DOK5: variants seen among roughly 807,000 people sequenced by gnomAD.
DOK5 encodes the protein docking protein 5.
Under a neutral mutation model 43.3 loss-of-function variants are expected in DOK5, and 27 were observed. That is an observed-to-expected ratio of 0.62 (90% CI 0.46 to 0.86). The LOEUF is 0.86. Among genes scored for constraint, DOK5 ranks in the 40% least tolerant of loss-of-function variants. The pLI is 0.00. For missense variants in DOK5, 373 were observed against 392.9 expected (o/e 0.95, Z 0.43); for synonymous variants, 146 against 140.1 (o/e 1.04, Z -0.30).
At chr20:54,491,756 A>T (rs148181910) in intron 1 of DOK5, among the ~76,000 whole-genome samples, 1 of 152,284 alleles carries the variant, frequency 6.6e-6, no homozygotes, top group Non-Finnish European at 1.5e-5. Context: ...GCATCCCACC[A>T]TTGGCTTCCT....
At chr20:54,615,453 G>C (rs1421423853) in intron 6 of DOK5, among the ~76,000 whole-genome samples, 1 of 152,120 alleles carries the variant, frequency 6.6e-6, no homozygotes, top group Non-Finnish European at 1.5e-5. Context: ...CTTCAGAAGA[G>C]GGAAACAAGA....
At chr20:54,623,520 G>A (rs1335617573) in intron 6 of DOK5, among the ~76,000 whole-genome samples, 1 of 152,170 alleles carries the variant, frequency 6.6e-6, no homozygotes, top group Non-Finnish European at 1.5e-5. Context: ...AAGGCAACGA[G>A]ACGAGGCATA....
chr20:54,588,708 G>T lies in DOK5; in HGVS notation c.311G>T (p.Cys104Phe). 6.2e-7 allele frequency: 1 copy of T among 1,614,088 alleles called. No homozygotes were observed. Among genetic ancestry groups the T allele is most frequent in the East Asian group, 2.2e-5 (1 of 44,886 alleles). The change falls in exon 4 of 8, where the codon TGC becomes TTC. Residue 104 changes from cysteine (C) to phenylalanine (F), a missense_variant. By Grantham distance (205) the Cys-to-Phe change is radical (BLOSUM62 -2). Coordinates refer to ENST00000262593, the MANE Select transcript of DOK5 (RefSeq NM_018431.5). ...CESDLEADEW[C>F]KVLQMECVGT... Reference sequence around the variant, plus strand: ...ACAGATCTTGAGGCTGATGAGTGGTGCAAAGTACTCCAGATGGAGTGTGTA... The same window carrying T: ...ACAGATCTTGAGGCTGATGAGTGGTTCAAAGTACTCCAGATGGAGTGTGTA...
chr20:54,573,835 A>G (rs945284826), intron 2 of DOK5, among the ~76,000 whole-genome samples: 5 of 152,132 alleles, frequency 3.3e-5, no homozygotes, highest in Admixed American at 2.6e-4. Flanking sequence ...AGTTCCAAAG[A>G]GCTGCCCACT....
chr20:54,480,995 T>TATCTATC (rs1319946307), intron 1 of DOK5, among the ~76,000 whole-genome samples: 2 of 139,730 alleles, frequency 1.4e-5, no homozygotes, highest in Admixed American at 1.4e-4. Flanking sequence ...ATCTATCATC[T>TATCTATC]ATCTATCATC....
At chr20:54,618,565 G>A (rs1245891950) in intron 6 of DOK5, among the ~76,000 whole-genome samples, 4 of 152,032 alleles carry the variant, frequency 2.6e-5, no homozygotes, top group Non-Finnish European at 5.9e-5. Context: ...GACTGGCCTT[G>A]AACTCCTGAC....
chr20:54,536,146 G>A (rs1425337349), intron 1 of DOK5, among the ~76,000 whole-genome samples: 1 of 152,204 alleles, frequency 6.6e-6, no homozygotes. Flanking sequence ...TAAAAATGCA[G>A]ACAAATCAGT....
chr20:54,646,670 T>A (rs1979445546), intron 7 of DOK5, among the ~76,000 whole-genome samples: 2 of 152,118 alleles, frequency 1.3e-5, no homozygotes, highest in African/African-American at 4.8e-5. Context: ...CAAGTACATT[T>A]AAAAAAAAAG....
intron 1 of DOK5, among the ~76,000 whole-genome samples, chr20:54,524,237 A>T (rs1041571406): frequency 2.6e-5 from 4 of 152,114 alleles, no homozygotes; most frequent in African/African-American, 9.7e-5. Context: ...CGAAAGAAGG[A>T]TGAAGTGAGG....
chr20:54,635,933 ATTTAC>A (rs1978804222), intron 6 of DOK5, among the ~76,000 whole-genome samples: 2 of 152,202 alleles, frequency 1.3e-5, no homozygotes, highest in South Asian at 4.1e-4. Flanking sequence ...ATGAACAGAA[ATTTAC>A]TTCTTATAGT....
chr20:54,636,284 C>T (rs1978821471), intron 6 of DOK5, among the ~76,000 whole-genome samples: 1 of 152,130 alleles, frequency 6.6e-6, no homozygotes, highest in Admixed American at 6.5e-5. Flanking sequence ...CTAAACTGCC[C>T]TTGTAAAATT....
intron 2 of DOK5, among the ~76,000 whole-genome samples, chr20:54,584,566 A>G (rs562146550): frequency 1.3e-5 from 2 of 151,448 alleles, no homozygotes; most frequent in South Asian, 4.2e-4. Flanking sequence ...TATCAAAATT[A>G]AAAGCTGTTT....
chr20:54,644,718 A>AAAAAAAAAAAAAAAAAAAAAAAC (rs1555839806), intron 7 of DOK5, among the ~76,000 whole-genome samples: 4 of 142,494 alleles, frequency 2.8e-5, no homozygotes, highest in African/African-American at 1.2e-4. Context: ...AAAAAAAAAA[A>AAAAAAAAAAAAAAAAAAAAAAAC]AAAAAACAAA....
intron 2 of DOK5, among the ~76,000 whole-genome samples, chr20:54,572,745 C>T (rs1420839570): frequency 6.6e-6 from 1 of 152,030 alleles, no homozygotes; most frequent in Non-Finnish European, 1.5e-5. Flanking sequence ...TAGATCTTTC[C>T]CTTTGTATGC....
chr20:54,514,840 A>G (rs1236018779), intron 1 of DOK5, among the ~76,000 whole-genome samples: 2 of 151,610 alleles, frequency 1.3e-5, no homozygotes, highest in Non-Finnish European at 2.9e-5. Context: ...GAATTACCAA[A>G]ATGCTCACCT....
chr20:54,503,901 A>G (rs1982705891), intron 1 of DOK5, among the ~76,000 whole-genome samples: 1 of 152,200 alleles, frequency 6.6e-6, no homozygotes. Context: ...AAAGCCCCCA[A>G]TCCACCAACT....
intron 5 of DOK5, among the ~76,000 whole-genome samples, chr20:54,608,820 C>G (rs200046657): frequency 6.6e-6 from 1 of 151,836 alleles, no homozygotes; most frequent in African/African-American, 2.4e-5. Flanking sequence ...TACAGGTGCC[C>G]CCCACACCAT....
intron 2 of DOK5, among the ~76,000 whole-genome samples, chr20:54,576,086 A>C (rs915810688): frequency 6.6e-6 from 1 of 152,334 alleles, no homozygotes. Flanking sequence ...CATGAAAAGA[A>C]TTAGAAAGAA....
intron 5 of DOK5, among the ~76,000 whole-genome samples, chr20:54,595,640 A>G (rs1424739337): frequency 2.0e-5 from 3 of 152,232 alleles, no homozygotes; most frequent in Non-Finnish European, 4.4e-5. Context: ...ACTCAATGTT[A>G]TATCTCCAAT....
Sources: allele counts gnomAD v4.1 joint callset (sites outside exome capture counted in the v4.1 genomes callset), GRCh38; gene constraint gnomAD v4.1.1; transcripts MANE v1.5; gene names NCBI Gene and HGNC (gene_info 2026-07-23, HGNC 2026-07-21).